Variants in DGKB observed in about 807,000 individuals in gnomAD.
DGKB encodes 90 kDa diacylglycerol kinase.
DGKB carries 67 observed loss-of-function variants against 114.3 expected under a neutral mutation model. The observed-to-expected ratio is 0.59, with a 90% CI of 0.48 to 0.72. The LOEUF (loss-of-function observed/expected upper bound fraction) is 0.72. Among genes scored for constraint, DGKB ranks in the 30% least tolerant of loss-of-function variants. The pLI, the probability that DGKB is intolerant of heterozygous loss-of-function variation, is 0.00. For missense variants in DGKB, 907 were observed against 975.2 expected, an observed-to-expected ratio of 0.93 and a Z score of 0.93; for synonymous variants, 398 against 323.1, an observed-to-expected ratio of 1.23 and a Z score of -2.49.
At chr7:14,536,858 G>T (rs1219233073) in intron 20 of DGKB, among the ~76,000 whole-genome samples, 1 of 151,678 alleles carries the variant, frequency 6.6e-6, no homozygotes, top group Non-Finnish European at 1.5e-5. Context: ...CAACAACAAG[G>T]CATCCAAATT....
chr7:14,362,648 A>C (rs962072279), intron 21 of DGKB, among the ~76,000 whole-genome samples: 10 of 108,140 alleles, frequency 9.2e-5, no homozygotes, highest in Non-Finnish European at 5.3e-5. Flanking sequence ...TACAATAAAA[A>C]CCCAAAAAAA....
At chr7:14,489,832 C>A (rs1784359556) in intron 20 of DGKB, among the ~76,000 whole-genome samples, 1 of 152,052 alleles carries the variant, frequency 6.6e-6, no homozygotes, top group African/African-American at 2.4e-5. Flanking sequence ...TGTTTACTAT[C>A]TACAAGTAGG....
chr7:14,341,527 A>G (rs937227469), intron 22 of DGKB, among the ~76,000 whole-genome samples: 1 of 151,920 alleles, frequency 6.6e-6, no homozygotes, highest in Admixed American at 6.6e-5. Flanking sequence ...CAGTTAGTCA[A>G]TAAATCCTGA....
intron 1 of DGKB, among the ~76,000 whole-genome samples, chr7:14,935,743 C>T (rs1472731900): frequency 6.6e-6 from 1 of 151,996 alleles, no homozygotes; most frequent in Non-Finnish European, 1.5e-5. Flanking sequence ...CCTCTCTTTT[C>T]TCTCCCTTTA....
At chr7:14,901,605 A>ACCCCCCCCCCCCCCC (rs1300363624) in intron 1 of DGKB, among the ~76,000 whole-genome samples, 15 of 123,086 alleles carry the variant, frequency 1.2e-4, no homozygotes, top group South Asian at 9.0e-4. Context: ...AGGGATTTCC[A>ACCCCCCCCCCCCCCC]CCCCCCCCCA....
intron 13 of DGKB, among the ~76,000 whole-genome samples, chr7:14,639,646 A>G (rs1231074600): frequency 6.6e-6 from 1 of 152,242 alleles, no homozygotes; most frequent in Non-Finnish European, 1.5e-5. Flanking sequence ...TTTTTGCTGC[A>G]AAGCCCTAAA....
Position 14,380,524 on chromosome 7 carries a change from C to T in DGKB, c.1836-35133G>A, listed in dbSNP as rs1819270221. On this transcript the variant is annotated intron_variant, in intron 21 of 25. Coordinates refer to ENST00000402815, the MANE Select transcript of DGKB (RefSeq NM_001350709.2). ...TATCACTCATATTGTTTTCATTTTG[C>T]TTTATGTGTTCAAATAGGATATATA... Among the ~76,000 whole-genome samples the T allele has an allele frequency of 1.3e-5, 2 of 151,940 alleles. 1 individual carries two copies. Among genetic ancestry groups the T allele is most frequent in the Admixed American group, 1.3e-4 (2 of 15,272 alleles).
chr7:14,565,016 C>G (rs1663734891), intron 20 of DGKB, among the ~76,000 whole-genome samples: 1 of 152,078 alleles, frequency 6.6e-6, no homozygotes, highest in Non-Finnish European at 1.5e-5. Context: ...TCCTGAATGT[C>G]CCCTTGCAAT....
intron 17 of DGKB, among the ~76,000 whole-genome samples, chr7:14,585,740 A>C (rs1210047408): frequency 1.3e-5 from 2 of 152,184 alleles, no homozygotes; most frequent in Non-Finnish European, 2.9e-5. Context: ...TTCCAACAGC[A>C]CATGCTCACT....
chr7:14,949,426 A>G lies in DGKB; in HGVS notation c.-188+25270T>C, dbSNP rs1372884220. The stretch of plus-strand genomic sequence containing the variant: ...AACAGAAAAATTACACACATCATAT[A>G]GAAAATTGTAAACATAATGCAGAAA... On this transcript the variant is annotated intron_variant, in intron 1 of 4. Transcript: ENST00000437998. 2.0e-5 allele frequency among the ~76,000 whole-genome samples: 3 copies of G among 152,024 alleles called. No individual in the cohort carries two copies. The East Asian group carries it at 5.8e-4, about 29-fold the overall frequency.
chr7:14,416,378 T>A (rs1583774568), intron 21 of DGKB, among the ~76,000 whole-genome samples: 2 of 152,128 alleles, frequency 1.3e-5, no homozygotes, highest in African/African-American at 4.8e-5. Context: ...CTAAGAACTT[T>A]GTAAAATGTA....
At chr7:14,418,140 T>C (rs971458200) in intron 21 of DGKB, among the ~76,000 whole-genome samples, 5 of 145,828 alleles carry the variant, frequency 3.4e-5, no homozygotes, top group African/African-American at 1.2e-4. Flanking sequence ...ATATATATTT[T>C]ATATATAAAT....
chr7:14,355,242 G>C (rs1433766542), intron 21 of DGKB, among the ~76,000 whole-genome samples: 2 of 151,966 alleles, frequency 1.3e-5, no homozygotes, highest in African/African-American at 2.4e-5. Flanking sequence ...AAGCACAGGT[G>C]TGAGAATATA....
chr7:14,800,029 G>A (rs1038806458), intron 2 of DGKB, among the ~76,000 whole-genome samples: 7 of 151,924 alleles, frequency 4.6e-5, no homozygotes, highest in Non-Finnish European at 4.4e-5. Flanking sequence ...TGATTCTCCT[G>A]CCTCAGCCTT....
At chr7:14,262,530 G>T (rs1337996068) in intron 23 of DGKB, among the ~76,000 whole-genome samples, 1 of 152,092 alleles carries the variant, frequency 6.6e-6, no homozygotes, top group Non-Finnish European at 1.5e-5. Context: ...CCAGAACTGT[G>T]AGAAATAAAT....
intron 23 of DGKB, among the ~76,000 whole-genome samples, chr7:14,287,634 C>G (rs770858503): frequency 5.3e-5 from 8 of 152,100 alleles, no homozygotes; most frequent in Non-Finnish European, 1.2e-4. Context: ...AGACCCTCAA[C>G]AGGAATACAC....
chr7:14,420,865 G>C (rs1412071379), intron 21 of DGKB, among the ~76,000 whole-genome samples: 1 of 152,028 alleles, frequency 6.6e-6, no homozygotes, highest in Non-Finnish European at 1.5e-5. Context: ...AATTCATGCT[G>C]ACGTCCTAGA....
intron 13 of DGKB, among the ~76,000 whole-genome samples, chr7:14,638,280 A>C (rs1811116119): frequency 6.6e-6 from 1 of 152,160 alleles, no homozygotes; most frequent in African/African-American, 2.4e-5. Flanking sequence ...CCATTCCGGA[A>C]ACTAAATACA....
upstream of DGKB, among the ~76,000 whole-genome samples, chr7:14,907,192 T>C (rs1783755396): frequency 6.6e-6 from 1 of 152,132 alleles, no homozygotes; most frequent in Non-Finnish European, 1.5e-5. Flanking sequence ...GATCATAAAA[T>C]ATGGGATTTG....
Sources: gnomAD v4.1 joint callset for allele counts (sites outside exome capture counted in the v4.1 genomes callset) on GRCh38, gnomAD v4.1.1 for gene constraint, MANE v1.5 for transcripts, NCBI Gene and HGNC (gene_info 2026-07-23, HGNC 2026-07-21) for gene names.